FLI1: variants seen among roughly 807,000 people sequenced by gnomAD.
FLI1 encodes the protein Friend leukemia integration 1 transcription factor.
FLI1 carries 13 observed loss-of-function variants against 53.1 expected under a neutral mutation model. That is an observed-to-expected ratio of 0.24 (90% CI 0.16 to 0.39). FLI1 has a LOEUF of 0.39. Ranked by LOEUF, FLI1 falls within the 10% of genes least tolerant of loss-of-function variation. FLI1 has a pLI of 1.00. For synonymous variants in FLI1, 244 were observed against 236.7 expected (o/e 1.03, Z -0.28); for missense variants, 424 against 600.5 (o/e 0.71, Z 3.07).
chr11:128,786,651 C>T (rs1189169997), intron 5 of FLI1, among the ~76,000 whole-genome samples: 1 of 152,178 alleles, frequency 6.6e-6, no homozygotes, highest in African/African-American at 2.4e-5. Flanking sequence ...GCCCTGGTCC[C>T]AGGTCAGAGC....
intron 1 of FLI1, among the ~76,000 whole-genome samples, chr11:128,707,385 G>C (rs1000985342): frequency 5.3e-5 from 8 of 152,172 alleles, no homozygotes; most frequent in African/African-American, 1.9e-4. Flanking sequence ...TGCAACATAG[G>C]ACTTCCCTAG....
intron 6 of FLI1, chr11:128,806,884 A>T (rs771723579): frequency 6.2e-5 from 17 of 275,210 alleles, no homozygotes; most frequent in Non-Finnish European, 1.1e-4. Context: ...TTTGAAAATG[A>T]AAAGGTGACA....
At chr11:128,748,649 G>A (rs1940516248) in intron 1 of FLI1, among the ~76,000 whole-genome samples, 1 of 151,756 alleles carries the variant, frequency 6.6e-6, no homozygotes, top group Non-Finnish European at 1.5e-5. Flanking sequence ...AAAAAAGAAA[G>A]AAAGAAAAGA....
intron 5 of FLI1, among the ~76,000 whole-genome samples, chr11:128,800,225 A>G (rs763024089): frequency 2.0e-5 from 3 of 152,242 alleles, no homozygotes; most frequent in Non-Finnish European, 4.4e-5. Flanking sequence ...GTCTGCATTC[A>G]GAAGCCAGGC....
At chr11:128,744,755 A>G (rs1940303303) in intron 1 of FLI1, among the ~76,000 whole-genome samples, 1 of 152,250 alleles carries the variant, frequency 6.6e-6, no homozygotes, top group Non-Finnish European at 1.5e-5. Context: ...GTAAGTGGCA[A>G]TCATGTCTAC....
At chr11:128,802,728 C>T (rs547327437) in intron 5 of FLI1, among the ~76,000 whole-genome samples, 1 of 152,266 alleles carries the variant, frequency 6.6e-6, no homozygotes, top group African/African-American at 2.4e-5. Flanking sequence ...TGGGGCACCA[C>T]AGAAAGATGG....
At chr11:128,689,002 A>G (rs1051207574), upstream of FLI1, among the ~76,000 whole-genome samples, 1 of 152,156 alleles carries the variant, frequency 6.6e-6, no homozygotes, top group Non-Finnish European at 1.5e-5. Flanking sequence ...GTAATGACAA[A>G]GTTGTGCTGG....
intron 5 of FLI1, among the ~76,000 whole-genome samples, chr11:128,788,958 G>T (rs1942183307): frequency 2.6e-5 from 4 of 152,182 alleles, no homozygotes; most frequent in Admixed American, 2.6e-4. Context: ...AGGAACTACT[G>T]TGCTTTAGAG....
upstream of FLI1, chr11:128,692,647 TAAGTC>T (rs1272874773): frequency 6.6e-6 from 1 of 152,192 alleles, no homozygotes; most frequent in African/African-American, 2.4e-5. Context: ...AAAGAATTAA[TAAGTC>T]ACCTTTTTTC....
chr11:128,699,891 C>T (rs1476021002), intron 1 of FLI1, among the ~76,000 whole-genome samples: 1 of 152,190 alleles, frequency 6.6e-6, no homozygotes, highest in Non-Finnish European at 1.5e-5. Context: ...GTACCTCAGT[C>T]TCAGGGGCAT....
intron 5 of FLI1, among the ~76,000 whole-genome samples, chr11:128,803,555 C>T (rs1942693495): frequency 6.6e-6 from 1 of 152,318 alleles, no homozygotes; most frequent in South Asian, 2.1e-4. Context: ...CCTCCAGGAA[C>T]CCTTTATGTG....
At chr11:128,709,647 A>G (rs1938703044) in intron 1 of FLI1, among the ~76,000 whole-genome samples, 1 of 152,222 alleles carries the variant, frequency 6.6e-6, no homozygotes, top group Admixed American at 6.5e-5. Flanking sequence ...GCTGATAAAG[A>G]GAGTTGTGTC....
In FLI1 at chr11:128,758,332, C is replaced by T. The variant is rs1940976237; in HGVS notation, c.230+6C>T. 2 of 1,610,532 alleles carry T rather than the reference C, an allele frequency of 1.2e-6. No homozygotes were observed. The highest frequency in any genetic ancestry group is 1.7e-6 in the Non-Finnish European group (2 of 1,177,740). On this transcript the variant is annotated splice_donor_region_variant and intron_variant, in intron 2 of 8. Transcript: ENST00000527786. ...GACCACATGAATGGATCCAGGTAAG[C>T]TCACCAGGCCTGTGCAGGATTGGGG...
At chr11:128,736,737 T>C (rs1429371459) in intron 1 of FLI1, among the ~76,000 whole-genome samples, 2 of 152,232 alleles carry the variant, frequency 1.3e-5, no homozygotes, top group Non-Finnish European at 2.9e-5. Context: ...AGCTGCTGTT[T>C]TGTATATGTG....
intron 1 of FLI1, among the ~76,000 whole-genome samples, chr11:128,755,537 A>G (rs1466838457): frequency 6.6e-6 from 1 of 152,222 alleles, no homozygotes; most frequent in East Asian, 1.9e-4. Context: ...AAAGGTTGCA[A>G]TGTCACCCTT....
At chr11:128,689,906 C>A (rs995873657), upstream of FLI1, among the ~76,000 whole-genome samples, 3 of 152,124 alleles carry the variant, frequency 2.0e-5, no homozygotes, top group East Asian at 3.9e-4. Context: ...GTTCTGAACC[C>A]GCTCAGCGCT....
At chr11:128,712,788 C>T (rs1938840387) in intron 1 of FLI1, among the ~76,000 whole-genome samples, 1 of 152,124 alleles carries the variant, frequency 6.6e-6, no homozygotes, top group Non-Finnish European at 1.5e-5. Context: ...GGACACAGAG[C>T]CAAAACATAT....
chr11:128,726,939 G>C (rs1477803715), intron 1 of FLI1, among the ~76,000 whole-genome samples: 1 of 152,154 alleles, frequency 6.6e-6, no homozygotes, highest in African/African-American at 2.4e-5. Flanking sequence ...GGGCAGAGGG[G>C]GGAAGAGGAA....
At chr11:128,767,675 CAG>C (rs1444216613) in intron 2 of FLI1, among the ~76,000 whole-genome samples, 41 of 152,328 alleles carry the variant, frequency 2.7e-4, no homozygotes, top group African/African-American at 9.4e-4. Context: ...ACTCAGCAGT[CAG>C]GGGGCGCAGG....
Sources: allele counts gnomAD v4.1 joint callset (sites outside exome capture counted in the v4.1 genomes callset), GRCh38; gene constraint gnomAD v4.1.1; transcripts MANE v1.5; gene names NCBI Gene and HGNC (gene_info 2026-07-23, HGNC 2026-07-21).